The following ADK variants were observed in gnomAD, a reference collection of about 807,000 sequenced individuals.
ADK encodes the protein N6,N6-dimethyladenosine kinase.
Under a neutral mutation model 44.7 loss-of-function variants are expected in ADK, and 24 were observed. The observed-to-expected ratio is 0.54, with a 90% CI of 0.39 to 0.76. The LOEUF is 0.76. Ranked by LOEUF, ADK falls within the 30% of genes least tolerant of loss-of-function variation. The probability of loss-of-function intolerance (pLI) is 0.00; values close to 1 mark genes in which losing one functional copy is unlikely to be tolerated. For missense variants in ADK, 321 were observed against 425.1 expected (o/e 0.76, Z 2.15); for synonymous variants, 128 against 142.6 (o/e 0.90, Z 0.73).
chr10:74,516,295 G>A (rs1020806787), intron 6 of ADK, among the ~76,000 whole-genome samples: 3 of 152,050 alleles, frequency 2.0e-5, no homozygotes, highest in Non-Finnish European at 4.4e-5. Flanking sequence ...GGGGAAGATG[G>A]GACCACGAGT....
chr10:74,451,423 G>GA (rs1213403614), intron 6 of ADK, among the ~76,000 whole-genome samples: 2 of 152,064 alleles, frequency 1.3e-5, no homozygotes, highest in Non-Finnish European at 2.9e-5. Flanking sequence ...ACAATTTGCT[G>GA]AGTTCTTTCC....
In ADK at chr10:74,479,564, C is replaced by G. The variant is rs1042658281; in HGVS notation, c.556-45692C>G. Among the ~76,000 whole-genome samples the G allele has an allele frequency of 1.1e-4, 17 of 152,064 alleles. 1 individual carries two copies. The Middle Eastern group carries it at 0.01, about 92-fold the overall frequency. ...GCTGCTGATATATTTGGCCTCAAAC[C>G]TGTCATGTTATTCTATAATTACTAA... On this transcript the variant is annotated intron_variant, in intron 6 of 10. Transcript: ENST00000539909.
intron 9 of ADK, among the ~76,000 whole-genome samples, chr10:74,617,068 T>C (rs1383584397): frequency 6.6e-6 from 1 of 152,204 alleles, no homozygotes; most frequent in Admixed American, 6.5e-5. Context: ...CAATAACATA[T>C]CAGATAATTA....
intron 9 of ADK, chr10:74,641,398 C>G (rs1853837472): frequency 6.6e-6 from 1 of 151,946 alleles, no homozygotes; most frequent in East Asian, 1.9e-4. Context: ...TTTGGTGGTC[C>G]AGAAAGGGGC....
intron 2 of ADK, among the ~76,000 whole-genome samples, chr10:74,216,714 A>G (rs973000292): frequency 2.4e-5 from 3 of 127,444 alleles, no homozygotes; most frequent in African/African-American, 9.6e-5. Context: ...GACAGAGTGA[A>G]ACTCTGTCTC....
At chr10:74,448,894 T>A (rs1166943394) in intron 6 of ADK, among the ~76,000 whole-genome samples, 1 of 150,984 alleles carries the variant, frequency 6.6e-6, no homozygotes, top group African/African-American at 2.5e-5. Context: ...AAAAAAAAAA[T>A]GCCCACTTTT....
At chr10:74,402,445 ACT>A (rs1228740112) in intron 6 of ADK, among the ~76,000 whole-genome samples, 1 of 147,694 alleles carries the variant, frequency 6.8e-6, no homozygotes, top group Non-Finnish European at 1.5e-5. Context: ...GTTTCTTTTT[ACT>A]CTTTTTTTTT....
chr10:74,189,334 A>G (rs779302615), intron 1 of ADK, among the ~76,000 whole-genome samples: 1 of 152,134 alleles, frequency 6.6e-6, no homozygotes. Context: ...TCTGTACCAT[A>G]TATCTGTAAA....
At chr10:74,185,550 C>T (rs1842718700) in intron 1 of ADK, among the ~76,000 whole-genome samples, 1 of 148,038 alleles carries the variant, frequency 6.8e-6, no homozygotes, top group African/African-American at 2.5e-5. Flanking sequence ...GCAGAGTCGT[C>T]GGCCGGGCGC....
intron 9 of ADK, among the ~76,000 whole-genome samples, chr10:74,648,319 A>G: frequency 6.6e-6 from 1 of 152,080 alleles, no homozygotes; most frequent in Non-Finnish European, 1.5e-5. Context: ...ACTCCTGTAA[A>G]GGTATCTATA....
chr10:74,576,847 A>G (rs1290923626), intron 7 of ADK, among the ~76,000 whole-genome samples: 1 of 152,140 alleles, frequency 6.6e-6, no homozygotes, highest in African/African-American at 2.4e-5. Flanking sequence ...GAATACCACA[A>G]GCAGGCACTA....
intron 10 of ADK, among the ~76,000 whole-genome samples, chr10:74,699,068 T>TTA (rs899604266): frequency 1.3e-5 from 2 of 151,040 alleles, no homozygotes; most frequent in African/African-American, 4.9e-5. Context: ...CAGGCTGGTT[T>TTA]CCTGGGCTCA....
chr10:74,517,632 T>A (rs1462363944), intron 6 of ADK, among the ~76,000 whole-genome samples: 3 of 150,712 alleles, frequency 2.0e-5, no homozygotes, highest in Non-Finnish European at 4.4e-5. Flanking sequence ...GAGGGTGCAC[T>A]GAGCTGTGAT....
chr10:74,578,474 T>A (rs1851271475), intron 7 of ADK, among the ~76,000 whole-genome samples: 1 of 152,204 alleles, frequency 6.6e-6, no homozygotes, highest in Non-Finnish European at 1.5e-5. Flanking sequence ...TAGTATGGTC[T>A]CTGTTAAGCT....
chr10:74,645,065 G>A (rs907851214), intron 9 of ADK, among the ~76,000 whole-genome samples: 3 of 152,096 alleles, frequency 2.0e-5, no homozygotes, highest in African/African-American at 4.8e-5. Flanking sequence ...TAAGTTTTCT[G>A]TATCAGCTTG....
intron 7 of ADK, among the ~76,000 whole-genome samples, chr10:74,547,470 AT>A (rs1305682680): frequency 7.9e-4 from 107 of 135,838 alleles, no homozygotes; most frequent in Middle Eastern, 8.3e-3. Flanking sequence ...TTATTTATTT[AT>A]TTTTATTTTA....
At chr10:74,361,010 C>T (rs575256967) in intron 4 of ADK, among the ~76,000 whole-genome samples, 3 of 152,214 alleles carry the variant, frequency 2.0e-5, no homozygotes, top group Admixed American at 6.5e-5. Context: ...CTGGTTCAAG[C>T]GATTCTTCTG....
rs192824618 is a variant in ADK, at chr10:74,232,480, C to G, written c.194+7889C>G. ...GAGGCTGCAGTGAGCAAAGATTGCA[C>G]AACTGCACTCCAGCCTGGGCAATAG... On this transcript the variant is annotated intron_variant, in intron 3 of 10. Transcript: ENST00000539909. 4.7e-5 allele frequency among the ~76,000 whole-genome samples: 7 copies of G among 149,044 alleles called. No individual in the cohort carries two copies. The East Asian group carries it at 1.4e-3, about 30-fold the overall frequency.
At chr10:74,559,840 A>G (rs1459240320) in intron 7 of ADK, among the ~76,000 whole-genome samples, 1 of 147,588 alleles carries the variant, frequency 6.8e-6, no homozygotes, top group African/African-American at 2.5e-5. Context: ...AATTTTTCCA[A>G]CTAAGTTTTT....
Sources: allele counts gnomAD v4.1 joint callset (sites outside exome capture counted in the v4.1 genomes callset), GRCh38; gene constraint gnomAD v4.1.1; transcripts MANE v1.5; gene names NCBI Gene and HGNC (gene_info 2026-07-23, HGNC 2026-07-21).